Variants in LCA5 observed in about 807,000 individuals in gnomAD.
The protein encoded by LCA5 is lebercilin.
LCA5 carries 37 observed loss-of-function variants against 53.0 expected under a neutral mutation model. The observed-to-expected ratio is 0.70, with a 90% CI of 0.54 to 0.92. The LOEUF is 0.92. Ranked by LOEUF, LCA5 falls within the 40% of genes least tolerant of loss-of-function variation. The pLI, the probability that LCA5 is intolerant of heterozygous loss-of-function variation, is 0.00. For synonymous variants in LCA5, 303 were observed against 282.9 expected (o/e 1.07, Z -0.71); for missense variants, 806 against 790.5 (o/e 1.02, Z -0.23).
rs568768377 is a variant in LCA5 at position 79,492,178 on chromosome 6, T to TA, written c.955+372dup. Among the ~76,000 whole-genome samples, 712 of 151,894 alleles carry TA rather than the reference T, an allele frequency of 4.7e-3. 3 individuals carry two copies. Among genetic ancestry groups the TA allele is most frequent in the Non-Finnish European group, 7.3e-3 (494 of 67,842 alleles). ...TACTTTATAATACTCTGGAGAAAAG[T>TA]AAAAAAACAGATGAAATAAAACTGG... On this transcript the variant is annotated intron_variant, in intron 5 of 7. Coordinates refer to ENST00000369846, the MANE Select transcript of LCA5 (RefSeq NM_001122769.3).
At chr6:79,493,835 T>C in intron 3 of LCA5, 85 bp from the exon 4 acceptor site, 4 of 1,037,300 alleles carry the variant, frequency 3.9e-6, no homozygotes, top group Non-Finnish European at 5.7e-6. Context: ...AAATGATGTT[T>C]TTAGTGGTAT....
chr6:79,503,916 T>G (rs1440411092), intron 3 of LCA5, among the ~76,000 whole-genome samples: 2 of 152,264 alleles, frequency 1.3e-5, no homozygotes, highest in African/African-American at 4.8e-5. Context: ...AATTTGACCT[T>G]GAATTCTAAG....
intron 3 of LCA5, among the ~76,000 whole-genome samples, chr6:79,510,078 G>A (rs1770371895): frequency 6.6e-6 from 1 of 152,090 alleles, no homozygotes; most frequent in African/African-American, 2.4e-5. Context: ...TAACATGAGA[G>A]GAATCAGTCT....
intron 1 of LCA5, among the ~76,000 whole-genome samples, chr6:79,521,186 T>C (rs1766614260): frequency 6.6e-6 from 1 of 152,178 alleles, no homozygotes; most frequent in Non-Finnish European, 1.5e-5. Flanking sequence ...GAAGCAGAGT[T>C]TAGGAAAAGG....
chr6:79,487,565 G>T lies in LCA5; in HGVS notation c.1533C>A (p.Phe511Leu), dbSNP rs570251479. ...TAAATAATCTCTCTGAGGATTCAGAGAACCTGTATGTTTTGGGGCTTCTCT... is the reference window on the plus strand; with the variant it reads ...TAAATAATCTCTCTGAGGATTCAGATAACCTGTATGTTTTGGGGCTTCTCT... ...SPERSPKTYRFSESSERLFNG... is the reference protein window; with the variant it reads ...SPERSPKTYRLSESSERLFNG... The change falls in exon 8 of 8, where the codon TTC becomes TTA. Residue 511 changes from phenylalanine (F) to leucine (L), a missense_variant. By Grantham distance (22) the Phe-to-Leu change is conservative. Coordinates refer to ENST00000369846, the MANE Select transcript of LCA5 (RefSeq NM_001122769.3). The T allele has an allele frequency of 2.5e-5, 41 of 1,613,944 alleles. 2 individuals carry two copies. The Middle Eastern group carries it at 4.9e-4, about 19-fold the overall frequency.
intron 3 of LCA5, among the ~76,000 whole-genome samples, chr6:79,507,863 C>T (rs975177794): frequency 6.6e-6 from 1 of 152,070 alleles, no homozygotes; most frequent in Admixed American, 6.6e-5. Flanking sequence ...TTCTACTGTC[C>T]AGCCCACCAC....
chr6:79,492,026 C>G (rs1387233627), intron 5 of LCA5, among the ~76,000 whole-genome samples: 1 of 151,792 alleles, frequency 6.6e-6, no homozygotes, highest in African/African-American at 2.4e-5. Context: ...TTAAATTTCA[C>G]AACATTTATA....
chr6:79,508,816 T>G (rs753683861), intron 3 of LCA5, among the ~76,000 whole-genome samples: 3 of 152,144 alleles, frequency 2.0e-5, no homozygotes, highest in Non-Finnish European at 4.4e-5. Flanking sequence ...CTTAATCAGT[T>G]AGTGGTTTGA....
intron 1 of LCA5, chr6:79,525,149 T>C (rs1766744731): frequency 1.3e-5 from 2 of 152,212 alleles, no homozygotes; most frequent in Non-Finnish European, 2.9e-5. Flanking sequence ...AAGTCTCTTC[T>C]GATCCAAGAA....
chr6:79,520,359 T>A (rs1766591710), intron 1 of LCA5, among the ~76,000 whole-genome samples: 1 of 151,998 alleles, frequency 6.6e-6, no homozygotes, highest in South Asian at 2.1e-4. Context: ...ACTACACACA[T>A]TCATTAAAAA....
chr6:79,494,857 G>C (rs757909454), intron 3 of LCA5, among the ~76,000 whole-genome samples: 4 of 152,120 alleles, frequency 2.6e-5, no homozygotes, highest in Non-Finnish European at 5.9e-5. Context: ...TAAATGTTAA[G>C]AAATAAAGTG....
In LCA5 at chr6:79,537,271, A is replaced by G. The variant is rs1307613397; in HGVS notation, c.-298T>C. ...GGGCCTCGGCGTCTGACCGCCAAAG[A>G]GCGGGTGCCTGGTTCCTGCGGAGGC... On this transcript the variant is annotated 5_prime_UTR_variant, in exon 1 of 8. Transcript: ENST00000369846. The G allele has an allele frequency of 6.5e-6, 1 of 152,950 alleles. No individual in the cohort carries two copies. Among genetic ancestry groups the G allele is most frequent in the Admixed American group, 6.5e-5 (1 of 15,294 alleles). The allele number at this position is 152,950 out of a possible 1,614,324, so 9.5% of individuals were successfully genotyped here. A position where few individuals can be genotyped will look rare whatever the true frequency, so the allele number is the denominator to read the frequency against.
intron 2 of LCA5, 41 bp downstream of exon 2, chr6:79,518,664 G>T (rs778214153): frequency 6.3e-7 from 1 of 1,579,722 alleles, no homozygotes; most frequent in South Asian, 1.1e-5. Flanking sequence ...CACTCAAAAT[G>T]AGTCTTCTAG....
chr6:79,523,623 T>G (rs1766692440), intron 1 of LCA5, among the ~76,000 whole-genome samples: 1 of 152,226 alleles, frequency 6.6e-6, no homozygotes, highest in Non-Finnish European at 1.5e-5. Context: ...TCAGTTTAAA[T>G]TCCAATAATA....
Position 79,485,474 on chromosome 6 carries a change from A to C in LCA5, c.*1530T>G, listed in dbSNP as rs1380785278. The C allele has an allele frequency of 2.0e-5, 3 of 152,580 alleles. No homozygotes were observed. The East Asian group carries it at 5.8e-4, about 29-fold the overall frequency. The allele number at this position is 152,580 out of a possible 1,614,324, so 9.5% of individuals were successfully genotyped here. On this transcript the variant is annotated 3_prime_UTR_variant, in exon 8 of 8. Coordinates refer to ENST00000369846, the MANE Select transcript of LCA5 (RefSeq NM_001122769.3). Reference sequence around the variant, plus strand: ...ATCAGACATACAAATCTATTAAGAAAACTTTTTAATATAGTTTAGCACTTT... The same window carrying C: ...ATCAGACATACAAATCTATTAAGAACACTTTTTAATATAGTTTAGCACTTT...
chr6:79,513,320 C>T lies in LCA5; in HGVS notation c.612G>A (p.Gln204=), dbSNP rs2127679968. The change falls in exon 3 of 8, where the codon CAG becomes CAA. Residue 204 remains glutamine (Q), a synonymous_variant. Transcript: ENST00000369846. ...TAGCTTCAGAGATCTCTTTCAGTTT[C>T]TGTAAGGAAAATTTTGTCCTAAATA... ...SELFRTKFSL[Q]KLKEISEARH... is the part of the protein sequence containing the mutation. 2.5e-6 allele frequency: 4 copies of T among 1,613,784 alleles called. No individual in the cohort carries two copies. Among genetic ancestry groups the T allele is most frequent in the Non-Finnish European group, 3.4e-6 (4 of 1,179,836 alleles).
intron 3 of LCA5, among the ~76,000 whole-genome samples, chr6:79,507,331 T>TA (rs1770296642): frequency 6.6e-6 from 1 of 152,148 alleles, no homozygotes; most frequent in Admixed American, 6.5e-5. Context: ...CTAAGTGAAT[T>TA]AAGACAAATT....
rs1299772464 is a variant in LCA5, at chr6:79,487,118, A to G, written c.1980T>C (p.Ser660=). ...TATTTGGATTAAAACTTCTTCCTTC[A>G]CTGAGGAAAAAGCCTTCATCTTCAT... ...EHDEDEGFFL[S]EGRSFNPNRH... Residue 660 remains serine (S), a synonymous_variant, in exon 8 of 8, where the codon AGT becomes AGC. Coordinates refer to ENST00000369846, the MANE Select transcript of LCA5 (RefSeq NM_001122769.3). 2 of 1,613,746 alleles carry G rather than the reference A, an allele frequency of 1.2e-6. No individual in the cohort carries two copies. Among genetic ancestry groups the G allele is most frequent in the Non-Finnish European group, 1.7e-6 (2 of 1,179,860 alleles).
At chr6:79,512,425 AGAGT>A (rs1327228790) in intron 3 of LCA5, among the ~76,000 whole-genome samples, 2 of 152,168 alleles carry the variant, frequency 1.3e-5, no homozygotes, top group African/African-American at 2.4e-5. Flanking sequence ...CATATTATAT[AGAGT>A]AAGTACCACA....
Sources: gnomAD v4.1 joint callset for allele counts (sites outside exome capture counted in the v4.1 genomes callset) on GRCh38, gnomAD v4.1.1 for gene constraint, MANE v1.5 for transcripts, NCBI Gene and HGNC (gene_info 2026-07-23, HGNC 2026-07-21) for gene names.